VSIG10: variants seen among roughly 807,000 people sequenced by gnomAD.
VSIG10 encodes the protein V-set and immunoglobulin domain containing 10.
Under a neutral mutation model 58.7 loss-of-function variants are expected in VSIG10, and 48 were observed. The ratio of observed to expected loss-of-function variants is 0.82; its 90% CI spans 0.65 to 1.04. The LOEUF (loss-of-function observed/expected upper bound fraction) is 1.04, where lower values mean the gene tolerates loss of function less well. VSIG10 is among the 50% of genes least tolerant of loss of function. The pLI is 0.00. For missense variants in VSIG10, 628 were observed against 670.0 expected (o/e 0.94, Z 0.69); for synonymous variants, 260 against 267.1 (o/e 0.97, Z 0.26).
Position 118,063,741 on chromosome 12 carries a change from A to G in VSIG10, c.*2898T>C, listed in dbSNP as rs2032153434. On this transcript the variant is annotated 3_prime_UTR_variant, in exon 9 of 9. Transcript: ENST00000359236. ...TTTTTCTTTGCAGCAGTTCCTGGCC[A>G]GTCCCAACGTGAGAAATATCAGTTG... The G allele has an allele frequency of 1.3e-5, 2 of 152,224 alleles. No individual in the cohort carries two copies. The highest frequency in any genetic ancestry group is 4.8e-5 in the African/African-American group (2 of 41,454). 9.4% of individuals were successfully genotyped at this position (152,224 alleles called of 1,614,324 possible). A position where few individuals can be genotyped will look rare whatever the true frequency, so the allele number is the denominator to read the frequency against.
intron 2 of VSIG10, among the ~76,000 whole-genome samples, chr12:118,088,103 G>T (rs1432556400): frequency 6.6e-6 from 1 of 151,916 alleles, no homozygotes; most frequent in Non-Finnish European, 1.5e-5. Context: ...AAATTAGCCA[G>T]GCGTGGTGGC....
At position 118,095,685 on chromosome 12, in the gene VSIG10, T is replaced by C; in HGVS notation, c.209A>G (p.Asn70Ser). The C allele has an allele frequency of 1.2e-6, 2 of 1,613,598 alleles. No homozygotes were observed. Among genetic ancestry groups the C allele is most frequent in the Non-Finnish European group, 1.7e-6 (2 of 1,179,822 alleles). ...AGGCTCAGCTGGCCGGAGGCTAGAG[T>C]TGGACGAGAGAAGGAAGACAGGCTC... is the stretch of plus-strand genomic sequence containing the variant. ...NSEPVFLLSSNSSLRPAEPRF... is the reference protein window; with the variant it reads ...NSEPVFLLSSSSSLRPAEPRF... The change falls in exon 2 of 9, where the codon AAC (asparagine) becomes AGC (serine). Residue 70 changes from asparagine to serine, a missense_variant. Transcript: ENST00000359236.
At chr12:118,095,977 G>A (rs1382662661) in intron 1 of VSIG10, among the ~76,000 whole-genome samples, 163 bp from the exon 2 acceptor site, 1 of 146,210 alleles carries the variant, frequency 6.8e-6, no homozygotes, top group African/African-American at 2.5e-5. Context: ...CCAGGCTGGA[G>A]TGCAATGGCA....
At chr12:118,100,724 T>C (rs2033603103) in intron 1 of VSIG10, among the ~76,000 whole-genome samples, 2 of 152,146 alleles carry the variant, frequency 1.3e-5, no homozygotes, top group African/African-American at 4.8e-5. Context: ...AGACAGGGTT[T>C]CACTGTGTTG....
chr12:118,066,019 C>T lies in VSIG10; in HGVS notation c.*620G>A, dbSNP rs1370893184. 1.3e-5 allele frequency: 2 copies of T among 152,954 alleles called. No individual in the cohort carries two copies. The highest frequency in any genetic ancestry group is 1.3e-4 in the Admixed American group (2 of 15,414). 9.5% of individuals were successfully genotyped at this position (152,954 alleles called of 1,614,324 possible). A position where few individuals can be genotyped will look rare whatever the true frequency, so the allele number is the denominator to read the frequency against. On this transcript the variant is annotated 3_prime_UTR_variant, in exon 9 of 9. Transcript: ENST00000359236. ...TCTAGCCCATGAAAGAAGGAAGCAACAGAGCCCAGATTCAACTTCAGGTGT... is the reference window on the plus strand; with the variant it reads ...TCTAGCCCATGAAAGAAGGAAGCAATAGAGCCCAGATTCAACTTCAGGTGT...
intron 2 of VSIG10, 122 bp from the exon 3 acceptor site, chr12:118,082,551 A>G (rs1233486845): frequency 1.0e-6 from 1 of 994,512 alleles, no homozygotes. Flanking sequence ...TCTATCTAAT[A>G]CTAGGTGACA....
intron 1 of VSIG10, among the ~76,000 whole-genome samples, chr12:118,100,098 G>A (rs10850960): frequency 0.4 from 60,356 of 152,168 alleles, 12,301 homozygotes; most frequent in Admixed American, 0.46. Context: ...GGCCGGGGGC[G>A]GTGGCTCACG....
intron 3 of VSIG10, among the ~76,000 whole-genome samples, chr12:118,079,902 C>T (rs998525206): frequency 1.3e-5 from 2 of 152,188 alleles, no homozygotes; most frequent in African/African-American, 2.4e-5. Flanking sequence ...GGTGCAATCT[C>T]GGCTCACTGT....
intron 2 of VSIG10, among the ~76,000 whole-genome samples, chr12:118,088,047 C>CAGCCT (rs2033181789): frequency 1.3e-5 from 2 of 151,820 alleles, no homozygotes; most frequent in Non-Finnish European, 2.9e-5. Context: ...AGTTCAAGAC[C>CAGCCT]AGCCTGGCCA....
At chr12:118,071,542 T>C (rs9669474) in intron 5 of VSIG10, 73 bp from the exon 6 acceptor site, 198,516 of 1,356,086 alleles carry the variant, frequency 0.15, 18,016 homozygotes, top group African/African-American at 0.38. Context: ...TCCCTTTCTC[T>C]GCGTGGATCC....
intron 2 of VSIG10, among the ~76,000 whole-genome samples, chr12:118,089,109 T>C (rs1406612722): frequency 6.6e-6 from 1 of 152,016 alleles, no homozygotes; most frequent in Non-Finnish European, 1.5e-5. Context: ...TCATCACACC[T>C]GATTAAGTTT....
intron 2 of VSIG10, 76 bp from the exon 3 acceptor site, chr12:118,082,505 T>G: frequency 7.1e-7 from 1 of 1,412,206 alleles, no homozygotes; most frequent in Non-Finnish European, 9.6e-7. Context: ...CTCTAATATA[T>G]AAATGAACAG....
intron 5 of VSIG10, 81 bp from the exon 6 acceptor site, chr12:118,071,550 T>A: frequency 7.7e-7 from 1 of 1,300,472 alleles, no homozygotes; most frequent in Non-Finnish European, 1.1e-6. Context: ...TCTGCGTGGA[T>A]CCAGTTCTTG....
intron 2 of VSIG10, among the ~76,000 whole-genome samples, chr12:118,094,018 A>G (rs2033374424): frequency 6.6e-6 from 1 of 152,240 alleles, no homozygotes; most frequent in Non-Finnish European, 1.5e-5. Flanking sequence ...ACTGGAGCTC[A>G]GAGATATGAA....
chr12:118,080,390 C>T (rs1317777183), intron 3 of VSIG10, among the ~76,000 whole-genome samples: 1 of 151,922 alleles, frequency 6.6e-6, no homozygotes, highest in Non-Finnish European at 1.5e-5. Flanking sequence ...GAACTGCTGG[C>T]CTCAGATGAT....
Position 118,066,514 on chromosome 12 carries a change from A to T in VSIG10, c.*125T>A. ...GTGCTTGGTTTTGTTTTTTGCTGAGACCCAAACATTGTTAGTGCAAGCCCC... is the reference window on the plus strand; with the variant it reads ...GTGCTTGGTTTTGTTTTTTGCTGAGTCCCAAACATTGTTAGTGCAAGCCCC... On this transcript the variant is annotated 3_prime_UTR_variant, in exon 9 of 9. Transcript: ENST00000359236. 1.0e-6 allele frequency: 1 copy of T among 984,644 alleles called. No homozygotes were observed. Among genetic ancestry groups the T allele is most frequent in the Non-Finnish European group, 1.6e-6 (1 of 619,846 alleles). The allele number at this position is 984,644 out of a possible 1,614,324, so 61.0% of individuals were successfully genotyped here.
intron 4 of VSIG10, among the ~76,000 whole-genome samples, chr12:118,074,839 C>T (rs901262046): frequency 6.6e-6 from 1 of 152,008 alleles, no homozygotes; most frequent in East Asian, 1.9e-4. Context: ...TCACAATTTC[C>T]TAAGTTTTAA....
At chr12:118,068,630 A>AT in intron 7 of VSIG10, 33 bp from the exon 8 acceptor site, 1 of 1,497,902 alleles carries the variant, frequency 6.7e-7, no homozygotes, top group Non-Finnish European at 8.9e-7. Flanking sequence ...AATCAAGAAG[A>AT]TTTCTTATTT....
chr12:118,091,491 C>CAAA (rs34366147), intron 2 of VSIG10, among the ~76,000 whole-genome samples: 1 of 107,090 alleles, frequency 9.3e-6, no homozygotes, highest in Non-Finnish European at 2.0e-5. Flanking sequence ...GACTCTGTCT[C>CAAA]AAAAAAAAAA....
Sources: gnomAD v4.1 joint callset for allele counts (sites outside exome capture counted in the v4.1 genomes callset) on GRCh38, gnomAD v4.1.1 for gene constraint, MANE v1.5 for transcripts, NCBI Gene and HGNC (gene_info 2026-07-23, HGNC 2026-07-21) for gene names.